Variants in XPO4 observed in about 807,000 individuals in gnomAD.
XPO4 encodes exportin 4, also known as exportin-4.
XPO4 carries 39 observed loss-of-function variants against 143.0 expected under a neutral mutation model. That is an observed-to-expected ratio of 0.27 (90% confidence interval 0.21 to 0.36). XPO4 has a LOEUF of 0.36. Ranked by LOEUF, XPO4 falls within the 10% of genes least tolerant of loss-of-function variation. The probability of loss-of-function intolerance (pLI) is 1.00; values close to 1 mark genes in which losing one functional copy is unlikely to be tolerated. For synonymous variants in XPO4, 439 were observed against 474.0 expected, an observed-to-expected ratio of 0.93 and a Z score of 0.96; for missense variants, 907 against 1,348.0, an observed-to-expected ratio of 0.67 and a Z score of 5.12.
chr13:20,862,922 T>C, intron 2 of XPO4, 64 bp from the exon 3 acceptor site: 1 of 1,592,742 alleles, frequency 6.3e-7, no homozygotes, highest in Non-Finnish European at 8.5e-7. Flanking sequence ...ATTTTGCATT[T>C]ATTAATTTTA....
Position 20,902,650 on chromosome 13 carries a change from G to C in XPO4, c.69+20C>G. 1 of 1,558,026 alleles carries C rather than the reference G, an allele frequency of 6.4e-7. No homozygotes were observed. The highest frequency in any genetic ancestry group is 1.2e-5 in the South Asian group (1 of 84,440). Reference sequence around the variant, plus strand: ...CGGGGGCCCGCGAATCCCGGGGTCTGAGGGGCGCGGCGTCCTCACCATCAG... The same window carrying C: ...CGGGGGCCCGCGAATCCCGGGGTCTCAGGGGCGCGGCGTCCTCACCATCAG... On this transcript the variant is annotated intron_variant, in intron 1 of 22. Coordinates refer to ENST00000255305, the MANE Select transcript of XPO4 (RefSeq NM_022459.5).
chr13:20,826,825 G>A (rs1170034159), intron 7 of XPO4, among the ~76,000 whole-genome samples: 2 of 152,134 alleles, frequency 1.3e-5, no homozygotes, highest in Non-Finnish European at 2.9e-5. Flanking sequence ...AGAGTATAGA[G>A]GGGTCCTGAA....
intron 1 of XPO4, among the ~76,000 whole-genome samples, chr13:20,869,071 C>T (rs2060269831): frequency 6.6e-6 from 1 of 152,052 alleles, no homozygotes; most frequent in African/African-American, 2.4e-5. Flanking sequence ...GTTCAAATAA[C>T]TTCAAAATTC....
intron 1 of XPO4, among the ~76,000 whole-genome samples, chr13:20,871,136 C>T (rs995613019): frequency 6.6e-6 from 1 of 151,956 alleles, no homozygotes. Flanking sequence ...TTCCCACCAC[C>T]TTTTCTAGTT....
rs757498720 is a variant in XPO4, at chr13:20,799,705, GTAA to G, written c.2148-369_2148-367del. ...TTCAATAAACCAGACAATGACAATG[GTAA>G]TAATAACAATGATACTCCTATACAG... On this transcript the variant is annotated intron_variant, in intron 15 of 22. Transcript: ENST00000255305. 5.3e-5 allele frequency among the ~76,000 whole-genome samples: 8 copies of G among 152,178 alleles called. No homozygotes were observed. The East Asian group carries it at 1.2e-3, about 22-fold the overall frequency.
intron 6 of XPO4, among the ~76,000 whole-genome samples, chr13:20,829,439 G>A (rs12861249): frequency 0.058 from 8,773 of 152,150 alleles, 643 homozygotes; most frequent in African/African-American, 0.17. Flanking sequence ...TATAGGATAT[G>A]AGACAAATAA....
chr13:20,882,054 G>A lies in XPO4; in HGVS notation c.70-13353C>T, dbSNP rs1293454433. ...GAACCTGGAAGGTAGAGGTTGCAGT[G>A]AGCCAAGATCACACCACTGCACTCC... On this transcript the variant is annotated intron_variant, in intron 1 of 22. Transcript: ENST00000255305. Among the ~76,000 whole-genome samples the A allele has an allele frequency of 4.8e-5, 7 of 146,470 alleles. No homozygotes were observed. In the Admixed American group the frequency reaches 4.9e-4, roughly 10 times the overall value.
At position 20,783,656 on chromosome 13, in the gene XPO4, A is replaced by G. The variant is rs2059165763; in HGVS notation, c.*66T>C. 1 of 1,558,028 alleles carries G rather than the reference A, an allele frequency of 6.4e-7. No homozygotes were observed. The highest frequency in any genetic ancestry group is 1.4e-5 in the African/African-American group (1 of 73,726). On this transcript the variant is annotated 3_prime_UTR_variant, in exon 23 of 23. Coordinates refer to ENST00000255305, the MANE Select transcript of XPO4 (RefSeq NM_022459.5). ...GAACTGAGGAATAGGACAAGACTCA[A>G]GTCAACTTTCAGCAATTCAGTGCAC...
At chr13:20,891,290 C>A (rs1241774708) in intron 1 of XPO4, among the ~76,000 whole-genome samples, 1 of 152,098 alleles carries the variant, frequency 6.6e-6, no homozygotes, top group Non-Finnish European at 1.5e-5. Context: ...AGATAAAGAA[C>A]ACTTCCATCA....
rs80321729 is a variant in XPO4, at chr13:20,892,973, G to A, written c.69+9697C>T. Among the ~76,000 whole-genome samples, 995 of 152,270 alleles carry A rather than the reference G, an allele frequency of 6.5e-3. 6 individuals are homozygous for A. Among genetic ancestry groups the A allele is most frequent in the Non-Finnish European group, 0.011 (723 of 68,020 alleles). On this transcript the variant is annotated intron_variant, in intron 1 of 22. Coordinates refer to ENST00000255305, the MANE Select transcript of XPO4 (RefSeq NM_022459.5). ...CAGGCAGGCTAAGGAAGGCTTCCCTGAGAAACTGACTACTGAGAGAACTGA... is the reference window on the plus strand; with the variant it reads ...CAGGCAGGCTAAGGAAGGCTTCCCTAAGAAACTGACTACTGAGAGAACTGA...
At chr13:20,869,964 G>T (rs1457576099) in intron 1 of XPO4, among the ~76,000 whole-genome samples, 30 of 151,728 alleles carry the variant, frequency 2.0e-4, no homozygotes, top group Admixed American at 2.0e-3. Context: ...ATATTAGCCG[G>T]GTGTGGTGGT....
Position 20,855,783 on chromosome 13 carries a change from C to A in XPO4, c.318-18G>T. 1 of 1,559,826 alleles carries A rather than the reference C, an allele frequency of 6.4e-7. No homozygotes were observed. Among genetic ancestry groups the A allele is most frequent in the South Asian group, 1.2e-5 (1 of 81,672 alleles). On this transcript the variant is annotated intron_variant, in intron 3 of 22. Coordinates refer to ENST00000255305, the MANE Select transcript of XPO4 (RefSeq NM_022459.5). ...TTTGAAGGCTGTAAAACATAAAAAT[C>A]ATTGTGAAAAATTTACCTAAATCTA...
chr13:20,785,911 A>G (rs71423717), intron 22 of XPO4, among the ~76,000 whole-genome samples: 49,447 of 100,466 alleles, frequency 0.49, 11,549 homozygotes, highest in Non-Finnish European at 0.58. Flanking sequence ...AGGAGGGAGG[A>G]AGGAAGGAAG....
chr13:20,878,479 A>G (rs1436415286), intron 1 of XPO4, among the ~76,000 whole-genome samples: 1 of 152,260 alleles, frequency 6.6e-6, no homozygotes. Context: ...ATAGTCATAC[A>G]TTGGTTTATA....
At chr13:20,830,994 A>C (rs1048349072) in intron 6 of XPO4, among the ~76,000 whole-genome samples, 2 of 152,180 alleles carry the variant, frequency 1.3e-5, no homozygotes, top group African/African-American at 4.8e-5. Flanking sequence ...TCAAAATAAT[A>C]TAAAGAATTA....
At chr13:20,799,457 C>A in intron 15 of XPO4, 118 bp from the exon 16 acceptor site, 1 of 865,458 alleles carries the variant, frequency 1.2e-6, no homozygotes, top group Non-Finnish European at 1.7e-6. Context: ...ACTGTTAAAG[C>A]AAAGTACAGT....
intron 3 of XPO4, among the ~76,000 whole-genome samples, chr13:20,861,144 A>G (rs1332917622): frequency 1.3e-5 from 2 of 152,182 alleles, no homozygotes; most frequent in Non-Finnish European, 2.9e-5. Flanking sequence ...TTTTTCTTTA[A>G]TGACTTTGGA....
intron 1 of XPO4, among the ~76,000 whole-genome samples, chr13:20,895,042 G>A (rs556341694): frequency 1.3e-5 from 2 of 151,824 alleles, no homozygotes; most frequent in South Asian, 2.1e-4. Context: ...GCCAGGCATG[G>A]TGGCGTGCAC....
At chr13:20,878,228 T>C (rs972734211) in intron 1 of XPO4, among the ~76,000 whole-genome samples, 2 of 152,134 alleles carry the variant, frequency 1.3e-5, no homozygotes, top group Admixed American at 1.3e-4. Flanking sequence ...AAACTGCTAA[T>C]GGTAATATAA....
Sources: allele counts gnomAD v4.1 joint callset (sites outside exome capture counted in the v4.1 genomes callset), GRCh38; gene constraint gnomAD v4.1.1; transcripts MANE v1.5; gene names NCBI Gene and HGNC (gene_info 2026-07-23, HGNC 2026-07-21).